The following ARHGEF28 variants were observed in gnomAD, a reference collection of about 807,000 sequenced individuals.
The protein encoded by ARHGEF28 is 190 kDa guanine nucleotide exchange factor.
Under a neutral mutation model 206.6 loss-of-function variants are expected in ARHGEF28, and 152 were observed. The observed-to-expected ratio is 0.74, with a 90% CI of 0.64 to 0.84. The LOEUF (loss-of-function observed/expected upper bound fraction) is 0.84, where lower values mean the gene tolerates loss of function less well. ARHGEF28 is among the 40% of genes least tolerant of loss of function. The pLI, the probability that ARHGEF28 is intolerant of heterozygous loss-of-function variation, is 0.00. For missense variants in ARHGEF28, 2,028 were observed against 2,073.2 expected, an observed-to-expected ratio of 0.98 and a Z score of 0.42; for synonymous variants, 763 against 776.4, an observed-to-expected ratio of 0.98 and a Z score of 0.29.
chr5:73,865,394 G>A lies in ARHGEF28; in HGVS notation c.2103+522G>A, dbSNP rs192372899. Among the ~76,000 whole-genome samples the A allele has an allele frequency of 1.8e-3, 271 of 152,340 alleles. 2 individuals are homozygous for A. The highest frequency in any genetic ancestry group is 6.3e-3 in the African/African-American group (261 of 41,574). ...TCTCTGTAGTTGGGAATGGGCTGGA[G>A]TAGATGAAGGTGTCTGTGATTCTAT... On this transcript the variant is annotated intron_variant, in intron 17 of 35. Transcript: ENST00000513042.
intron 4 of ARHGEF28, among the ~76,000 whole-genome samples, chr5:73,772,788 G>T (rs866667346): frequency 2.6e-5 from 4 of 152,196 alleles, no homozygotes; most frequent in African/African-American, 9.7e-5. Flanking sequence ...TGCTTTTAGG[G>T]TTCAAACTGC....
At chr5:73,748,641 G>C (rs1751866323) in intron 2 of ARHGEF28, among the ~76,000 whole-genome samples, 1 of 152,090 alleles carries the variant, frequency 6.6e-6, no homozygotes, top group South Asian at 2.1e-4. Context: ...ATAGGGTAAG[G>C]ATATCTTGGC....
At chr5:73,759,607 A>G (rs1418542111) in intron 4 of ARHGEF28, among the ~76,000 whole-genome samples, 1 of 152,164 alleles carries the variant, frequency 6.6e-6, no homozygotes, top group African/African-American at 2.4e-5. Flanking sequence ...TTTCCCCTAA[A>G]TTTATTATTA....
chr5:73,795,942 TC>T (rs1315303502), intron 9 of ARHGEF28, among the ~76,000 whole-genome samples: 1 of 152,178 alleles, frequency 6.6e-6, no homozygotes, highest in Non-Finnish European at 1.5e-5. Context: ...AACCAGGTGT[TC>T]CTCCACCCTT....
intron 16 of ARHGEF28, 122 bp downstream of exon 16, chr5:73,858,341 G>A (rs956122168): frequency 3.4e-5 from 43 of 1,272,542 alleles, no homozygotes; most frequent in South Asian, 3.7e-5. Flanking sequence ...TGACTGAACC[G>A]TTTACCAAGC....
intron 28 of ARHGEF28, 89 bp from the exon 29 acceptor site, chr5:73,894,304 C>T (rs1371228488): frequency 2.3e-5 from 31 of 1,330,744 alleles, no homozygotes; most frequent in Non-Finnish European, 3.0e-5. Context: ...TTACTGCTTG[C>T]TAATTAGCAA....
chr5:73,890,000 G>A (rs942798545), intron 26 of ARHGEF28, among the ~76,000 whole-genome samples: 6 of 152,164 alleles, frequency 3.9e-5, no homozygotes, highest in Non-Finnish European at 7.3e-5. Flanking sequence ...GTTAAATGCC[G>A]TGGCACAAAT....
At chr5:73,800,284 G>T (rs980689515) in intron 9 of ARHGEF28, among the ~76,000 whole-genome samples, 10 of 152,244 alleles carry the variant, frequency 6.6e-5, no homozygotes, top group African/African-American at 2.4e-4. Context: ...TTAAAATGAT[G>T]TTGTATGTTT....
intron 2 of ARHGEF28, among the ~76,000 whole-genome samples, chr5:73,712,000 A>G (rs1449532233): frequency 6.6e-6 from 1 of 152,032 alleles, no homozygotes; most frequent in African/African-American, 2.4e-5. Context: ...CTTTTAAATT[A>G]TGAACAAATG....
chr5:73,868,323 T>C, intron 20 of ARHGEF28, 96 bp downstream of exon 20: 3 of 1,320,970 alleles, frequency 2.3e-6, no homozygotes, highest in Non-Finnish European at 3.0e-6. Context: ...ATTTTTTTTT[T>C]CTTTTTCAAA....
rs145871749 is a variant in ARHGEF28, at chr5:73,814,934, A to G, written c.1025-17404A>G. Among the ~76,000 whole-genome samples the G allele has an allele frequency of 6.8e-3, 1,031 of 152,316 alleles. 17 individuals are homozygous for G. Among genetic ancestry groups the G allele is most frequent in the African/African-American group, 0.023 (937 of 41,552 alleles). On this transcript the variant is annotated intron_variant, in intron 9 of 35. Transcript: ENST00000513042. ...ACATTTTTCATGTTGCTCAGCTGCC[A>G]TCCTTTAAATTCTATCATTGAAGAC...
At chr5:73,731,146 G>C (rs1201450288) in intron 2 of ARHGEF28, among the ~76,000 whole-genome samples, 1 of 152,094 alleles carries the variant, frequency 6.6e-6, no homozygotes, top group East Asian at 1.9e-4. Context: ...GAATGCGTTA[G>C]TTTCTGTGAT....
rs1030566984 is a variant in ARHGEF28, at chr5:73,760,991, T to C, written c.475+7789T>C. On this transcript the variant is annotated intron_variant, in intron 4 of 35. Coordinates refer to ENST00000513042, the MANE Select transcript of ARHGEF28 (RefSeq NM_001177693.2). ...ACTCCCACTTCTGGGAAATAGAACG[T>C]AGAGTTGGATTCCGGTCACTCTCTC... 4.6e-5 allele frequency among the ~76,000 whole-genome samples: 7 copies of C among 152,330 alleles called. No homozygotes were observed. In the East Asian group the frequency reaches 1.3e-3, roughly 29 times the overall value.
At chr5:73,685,749 A>G (rs910227489) in intron 2 of ARHGEF28, among the ~76,000 whole-genome samples, 7 of 152,164 alleles carry the variant, frequency 4.6e-5, no homozygotes, top group Non-Finnish European at 1.0e-4. Context: ...CAGCCTCCCA[A>G]GTAGCTGGGA....
chr5:73,911,596 C>T, intron 35 of ARHGEF28, 21 bp downstream of exon 35: 1 of 1,560,790 alleles, frequency 6.4e-7, no homozygotes, highest in South Asian at 1.2e-5. Flanking sequence ...CTTTAAACAT[C>T]ATCTGTATAG....
chr5:73,652,471 C>T (rs73762145), intron 1 of ARHGEF28, among the ~76,000 whole-genome samples: 10,310 of 151,980 alleles, frequency 0.068, 894 homozygotes, highest in African/African-American at 0.2. Flanking sequence ...TGAGAGGGCA[C>T]GGTATGCACA....
In ARHGEF28 at chr5:73,794,468, C is replaced by T. The variant is rs760135836; in HGVS notation, c.963+14C>T. 1.9e-6 allele frequency: 3 copies of T among 1,579,314 alleles called. No homozygotes were observed. Among genetic ancestry groups the T allele is most frequent in the African/African-American group, 1.4e-5 (1 of 73,912 alleles). ...GAAGATATAAAGGTAATGAATGACTCCCTGCTTCTTTCTTTGCACGTCTTT... is the reference window on the plus strand; with the variant it reads ...GAAGATATAAAGGTAATGAATGACTTCCTGCTTCTTTCTTTGCACGTCTTT... On this transcript the variant is annotated intron_variant, in intron 8 of 35. Coordinates refer to ENST00000513042, the MANE Select transcript of ARHGEF28 (RefSeq NM_001177693.2).
intron 9 of ARHGEF28, among the ~76,000 whole-genome samples, chr5:73,828,608 T>C (rs985573886): frequency 6.6e-6 from 1 of 151,856 alleles, no homozygotes; most frequent in African/African-American, 2.4e-5. Flanking sequence ...TCCTTTCTCC[T>C]TTCCTTTCTT....
intron 2 of ARHGEF28, among the ~76,000 whole-genome samples, chr5:73,702,136 G>C (rs1337672215): frequency 6.6e-6 from 1 of 152,134 alleles, no homozygotes; most frequent in African/African-American, 2.4e-5. Context: ...TCATACAAGA[G>C]AGCCAATTTC....
Sources: allele counts gnomAD v4.1 joint callset (sites outside exome capture counted in the v4.1 genomes callset), GRCh38; gene constraint gnomAD v4.1.1; transcripts MANE v1.5; gene names NCBI Gene and HGNC (gene_info 2026-07-23, HGNC 2026-07-21).